DBN1: variants seen among roughly 807,000 people sequenced by gnomAD.
DBN1 encodes drebrin 1, also known as drebrin.
A neutral mutation model predicts 83.5 loss-of-function variants in DBN1; 21 were observed. The ratio of observed to expected loss-of-function variants is 0.25; its 90% CI spans 0.18 to 0.36. The LOEUF (loss-of-function observed/expected upper bound fraction) is 0.36, where lower values mean the gene tolerates loss of function less well. Ranked by LOEUF, DBN1 falls within the 10% of genes least tolerant of loss-of-function variation. The probability of loss-of-function intolerance (pLI) is 1.00; values close to 1 mark genes in which losing one functional copy is unlikely to be tolerated. For missense variants in DBN1, 874 were observed against 935.7 expected, an observed-to-expected ratio of 0.93 and a Z score of 0.86; for synonymous variants, 381 against 384.9, an observed-to-expected ratio of 0.99 and a Z score of 0.12.
chr5:177,469,780 G>C (rs530693848), intron 1 of DBN1, among the ~76,000 whole-genome samples: 1 of 152,330 alleles, frequency 6.6e-6, no homozygotes, highest in South Asian at 2.1e-4. Flanking sequence ...ATCACCCCAT[G>C]CAGGCCCAGG....
In DBN1 at chr5:177,459,754, C is replaced by T; in HGVS notation, c.956-14G>A. The T allele has an allele frequency of 1.4e-6, 2 of 1,478,602 alleles. No individual in the cohort carries two copies. The highest frequency in any genetic ancestry group is 1.8e-6 in the Non-Finnish European group (2 of 1,110,422). 91.6% of individuals were successfully genotyped at this position (1,478,602 alleles called of 1,614,324 possible). A position where few individuals can be genotyped will look rare whatever the true frequency, so the allele number is the denominator to read the frequency against. ...AGTACGGACGACCTGCCGAGAGAGA[C>T]AGACAGAGAAAGAGACAGAGGACAA... On this transcript the variant is annotated splice_polypyrimidine_tract_variant and intron_variant, in intron 10 of 14. Coordinates refer to ENST00000393565, the MANE Select transcript of DBN1 (RefSeq NM_001363541.2).
In DBN1 at chr5:177,473,541, C is replaced by G. The variant is rs1758002754; in HGVS notation, c.-20G>C. The stretch of plus-strand genomic sequence containing the variant: ...GGCCATGCTTCGGGCCGGACCGGGC[C>G]GAACGGACAGACGCGCGGACGGACG... On this transcript the variant is annotated 5_prime_UTR_variant, in exon 1 of 15. Transcript: ENST00000393565. The G allele has an allele frequency of 7.3e-7, 1 of 1,375,222 alleles. No homozygotes were observed. The highest frequency in any genetic ancestry group is 9.5e-7 in the Non-Finnish European group (1 of 1,054,576). 85.2% of individuals were successfully genotyped at this position (1,375,222 alleles called of 1,614,324 possible).
Position 177,467,058 on chromosome 5 carries a change from T to G in DBN1, c.560A>C (p.Glu187Ala). Reference protein sequence around the residue: ...REQFWEQAKKEEELRKEEERK... With the variant: ...REQFWEQAKKAEELRKEEERK... ...CTCCTCCTCCTTCCGCAGCTCTTCT[T>G]CCTTCTGCAAGCCCCGGTGCGAACA... The change falls in exon 7 of 15, where the codon GAA becomes GCA. Residue 187 changes from glutamate to alanine, a missense_variant. Around this residue, in one of 4 missense-constraint regions of DBN1, gnomAD observed 725 missense variants for 719.7 expected, o/e 1.01. Coordinates refer to ENST00000393565, the MANE Select transcript of DBN1 (RefSeq NM_001363541.2). The surrounding 1 kb of genome is among the most constrained non-coding windows in gnomAD (Gnocchi z 9.1). 1 of 1,613,764 alleles carries G rather than the reference T, an allele frequency of 6.2e-7. No individual in the cohort carries two copies.
At position 177,459,583 on chromosome 5, in the gene DBN1, G is replaced by A. The variant is rs1326694119; in HGVS notation, c.1093+20C>T. The stretch of plus-strand genomic sequence containing the variant: ...GGGCCCTCCTTACCACCCCCGCCGA[G>A]GCCTGGGGCTGCTACCTACATGGGA... On this transcript the variant is annotated intron_variant, in intron 11 of 14. Transcript: ENST00000393565. 1.3e-6 allele frequency: 2 copies of A among 1,495,056 alleles called. No homozygotes were observed. Among genetic ancestry groups the A allele is most frequent in the Non-Finnish European group, 1.8e-6 (2 of 1,117,140 alleles). 92.6% of individuals were successfully genotyped at this position (1,495,056 alleles called of 1,614,324 possible).
At chr5:177,462,474 G>A in intron 8 of DBN1, 1 of 896,402 alleles carries the variant, frequency 1.1e-6, no homozygotes, top group Non-Finnish European at 1.3e-6. Flanking sequence ...GGTGCTCCTG[G>A]CTTCCACCAC....
At chr5:177,471,702 T>G (rs1391294108) in intron 1 of DBN1, among the ~76,000 whole-genome samples, 1 of 152,128 alleles carries the variant, frequency 6.6e-6, no homozygotes, top group Non-Finnish European at 1.5e-5. Flanking sequence ...GGTACATGTG[T>G]GCATCTGTGT....
chr5:177,457,739 T>A lies in DBN1; in HGVS notation c.1933A>T (p.Ser645Cys). The change falls in exon 14 of 15, where the codon AGT becomes TGT. Residue 645 changes from serine to cysteine, a missense_variant. Physicochemically the swap from Ser to Cys is moderately radical, Grantham distance 112. This residue lies in a region of DBN1 where 725 missense variants were observed against 719.7 expected (regional missense o/e 1.01). Transcript: ENST00000393565. ...EGTQASEGYF[S>C]QSQEEEFAQS... The stretch of plus-strand genomic sequence containing the variant: ...GCAAACTCCTCCTCCTGTGATTGAC[T>A]GAAGTACCCCTCACTGGCCTGCAGG... 1 of 1,610,628 alleles carries A rather than the reference T, an allele frequency of 6.2e-7. No homozygotes were observed. Among genetic ancestry groups the A allele is most frequent in the Non-Finnish European group, 8.5e-7 (1 of 1,176,976 alleles).
chr5:177,467,949 C>T lies in DBN1; in HGVS notation c.256-132G>A, dbSNP rs943394071. The T allele has an allele frequency of 5.9e-6, 8 of 1,360,536 alleles. No individual in the cohort carries two copies. Among genetic ancestry groups the T allele is most frequent in the African/African-American group, 4.3e-5 (3 of 69,676 alleles). The allele number at this position is 1,360,536 out of a possible 1,614,324, so 84.3% of individuals were successfully genotyped here. On this transcript the variant is annotated intron_variant, in intron 3 of 14. Coordinates refer to ENST00000393565, the MANE Select transcript of DBN1 (RefSeq NM_001363541.2). The surrounding 1 kb of genome is among the most constrained non-coding windows in gnomAD (Gnocchi z 9.1). Reference sequence around the variant, plus strand: ...GGTGTCAGAGGGCCGACGGGGAGGGCGACTGCTCTGGGCCTTCAGTTCCCT... The same window carrying T: ...GGTGTCAGAGGGCCGACGGGGAGGGTGACTGCTCTGGGCCTTCAGTTCCCT...
At chr5:177,468,932 C>G (rs372055285) in intron 1 of DBN1, 33 bp from the exon 2 acceptor site, 1 of 1,301,540 alleles carries the variant, frequency 7.7e-7, no homozygotes, top group Non-Finnish European at 9.9e-7. Flanking sequence ...GTCAAACTGT[C>G]AGGGCCCAGG....
chr5:177,468,487 C>T (rs1757625078), intron 2 of DBN1: 2 of 537,826 alleles, frequency 3.7e-6, no homozygotes, highest in Non-Finnish European at 6.6e-6. Flanking sequence ...TCTCATTCTT[C>T]ACACATCATC....
intron 1 of DBN1, chr5:177,472,420 G>A: frequency 2.1e-6 from 3 of 1,401,966 alleles, no homozygotes; most frequent in East Asian, 2.9e-5. Flanking sequence ...TATTACGGGG[G>A]GGTTAAAGGA....
In DBN1 at chr5:177,466,973, C is replaced by G. The variant is rs935492168; in HGVS notation, c.645G>C (p.Arg215=). The G allele has an allele frequency of 6.2e-7, 1 of 1,613,012 alleles. No homozygotes were observed. The highest frequency in any genetic ancestry group is 8.5e-7 in the Non-Finnish European group (1 of 1,179,850). Residue 215 remains arginine (R), a synonymous_variant, in exon 7 of 15, where the codon CGG becomes CGC. Coordinates refer to ENST00000393565, the MANE Select transcript of DBN1 (RefSeq NM_001363541.2). The surrounding 1 kb of genome is among the most constrained non-coding windows in gnomAD (Gnocchi z 4.8). ...RFEQERMEQE[R]QEQEERERRY... Reference sequence around the variant, plus strand: ...GCCGCTCGCGCTCCTCTTGCTCCTGCCGCTCCTGCTCCATCCGCTCCTGCT... The same window carrying G: ...GCCGCTCGCGCTCCTCTTGCTCCTGGCGCTCCTGCTCCATCCGCTCCTGCT...
chr5:177,472,095 G>C, intron 1 of DBN1: 1 of 1,599,202 alleles, frequency 6.3e-7, no homozygotes. Context: ...TGCTGAGCCT[G>C]TGCCGGCCTC....
chr5:177,459,882 C>G (rs1756885558), intron 10 of DBN1, 142 bp from the exon 11 acceptor site: 1 of 916,612 alleles, frequency 1.1e-6, no homozygotes, highest in East Asian at 2.8e-5. Context: ...ATCAGCCAAG[C>G]CAGCCGCAGC....
At chr5:177,471,910 C>T (rs933773314) in intron 1 of DBN1, among the ~76,000 whole-genome samples, 17 of 152,048 alleles carry the variant, frequency 1.1e-4, no homozygotes, top group African/African-American at 4.1e-4. Flanking sequence ...TAGACAACAC[C>T]CCTCCAGGCT....
chr5:177,472,359 G>C, intron 1 of DBN1: 1 of 1,484,236 alleles, frequency 6.7e-7, no homozygotes, highest in Non-Finnish European at 8.9e-7. Context: ...CCATCTGCCA[G>C]CAGGGAGAGG....
chr5:177,458,168 C>G lies in DBN1; in HGVS notation c.1804G>C (p.Ala602Pro). The G allele has an allele frequency of 3.7e-6, 6 of 1,612,834 alleles. No individual in the cohort carries two copies. The highest frequency in any genetic ancestry group is 5.1e-6 in the Non-Finnish European group (6 of 1,179,672). Residue 602 changes from alanine (A) to proline (P), a missense_variant, in exon 13 of 15, where the codon GCC becomes CCC. Transcript: ENST00000393565. ...GAGGGCAGAGTTGGGGTCTGGGGGG[C>G]AGCCAGGGACTCCCCTTCCACTTCC... ...PEEVEGESLAAPQTPTLPSAL... is the reference protein window; with the variant it reads ...PEEVEGESLAPPQTPTLPSAL...
At position 177,467,493 on chromosome 5, in the gene DBN1, G is replaced by A. The variant is rs146876816; in HGVS notation, c.465C>T (p.Asn155=). 1.1e-4 allele frequency: 176 copies of A among 1,590,174 alleles called. 1 individual carries two copies. The African/African-American group carries it at 1.8e-3, about 16-fold the overall frequency. ...LHRLRLREDE[N]AEPVGTTYQK... ...AACACACACTAACCACGGGCTCTGCGTTCTCATCCTCTCGCAGCCGCAGTC... is the reference window on the plus strand; with the variant it reads ...AACACACACTAACCACGGGCTCTGCATTCTCATCCTCTCGCAGCCGCAGTC... Residue 155 remains asparagine (N), a synonymous_variant, in exon 5 of 15, where the codon AAC becomes AAT. Transcript: ENST00000393565. The surrounding 1 kb of genome is among the most constrained non-coding windows in gnomAD (Gnocchi z 9.1).
At position 177,457,725 on chromosome 5, in the gene DBN1, C is replaced by T. The variant is rs768307194; in HGVS notation, c.1947G>A (p.Glu649=). The stretch of plus-strand genomic sequence containing the variant: ...GCTCTTCCGATTGGGCAAACTCCTC[C>T]TCCTGTGATTGACTGAAGTACCCCT... ...ASEGYFSQSQ[E]EEFAQSEELC... The change falls in exon 14 of 15, where the codon GAG becomes GAA. Residue 649 remains glutamate, a synonymous_variant. Transcript: ENST00000393565. 6.2e-7 allele frequency: 1 copy of T among 1,612,640 alleles called. No homozygotes were observed. The highest frequency in any genetic ancestry group is 1.7e-5 in the Admixed American group (1 of 59,984).
Sources: allele counts gnomAD v4.1 joint callset (sites outside exome capture counted in the v4.1 genomes callset), GRCh38; gene constraint gnomAD v4.1.1; regional missense constraint gnomAD v4.1.1; non-coding constraint Gnocchi (gnomAD v3.1); transcripts MANE v1.5; gene names NCBI Gene and HGNC (gene_info 2026-07-23, HGNC 2026-07-21).